Variants in ZMYND11 observed in about 807,000 individuals in gnomAD.
ZMYND11 encodes zinc finger MYND domain-containing protein 11.
A neutral mutation model predicts 84.9 loss-of-function variants in ZMYND11; 9 were observed. The ratio of observed to expected loss-of-function variants is 0.11; its 90% CI spans 0.06 to 0.18. The LOEUF (loss-of-function observed/expected upper bound fraction) is 0.18, where lower values mean the gene tolerates loss of function less well. Ranked by LOEUF, ZMYND11 falls within the 10% of genes least tolerant of loss-of-function variation. ZMYND11 has a pLI of 1.00. For synonymous variants in ZMYND11, 250 were observed against 244.1 expected (o/e 1.02, Z -0.23); for missense variants, 409 against 761.0 (o/e 0.54, Z 5.44).
At chr10:187,361 G>A (rs561234499) in intron 2 of ZMYND11, among the ~76,000 whole-genome samples, 327 of 152,338 alleles carry the variant, frequency 2.1e-3, no homozygotes, top group South Asian at 8.5e-3. Flanking sequence ...ATGGCTGGGC[G>A]CGGTGGCTCA....
At chr10:153,037 C>T (rs1554757586) in intron 1 of ZMYND11, among the ~76,000 whole-genome samples, 6 of 152,140 alleles carry the variant, frequency 3.9e-5, no homozygotes, top group Non-Finnish European at 8.8e-5. Context: ...TTGGTGTAAG[C>T]TGTTTGTATT....
chr10:236,931 G>A lies in ZMYND11; in HGVS notation c.516+16G>A. 6.2e-7 allele frequency: 1 copy of A among 1,601,918 alleles called. No homozygotes were observed. Among genetic ancestry groups the A allele is most frequent in the Non-Finnish European group, 8.5e-7 (1 of 1,174,894 alleles). ...GAAGGAGAGGGTGAGTCCTGCTCAG[G>A]GAATCTTTCAAAATATCCCAAAACA... On this transcript the variant is annotated intron_variant, in intron 5 of 14. Transcript: ENST00000381604.
intron 8 of ZMYND11, among the ~76,000 whole-genome samples, chr10:240,517 A>T (rs762985164): frequency 2.8e-4 from 42 of 152,162 alleles, no homozygotes; most frequent in Admixed American, 5.2e-4. Context: ...CAAAACAAAA[A>T]AAGGTCTTTT....
chr10:171,288 G>A (rs573586314), intron 1 of ZMYND11, among the ~76,000 whole-genome samples: 5 of 152,200 alleles, frequency 3.3e-5, no homozygotes, highest in Middle Eastern at 3.4e-3. Context: ...TGGTAAGGAC[G>A]TAGTTGAACT....
At chr10:230,974 C>T (rs1370050312) in intron 4 of ZMYND11, among the ~76,000 whole-genome samples, 5 of 152,024 alleles carry the variant, frequency 3.3e-5, no homozygotes, top group Non-Finnish European at 5.9e-5. Flanking sequence ...GTGTACTGCC[C>T]GTGAGCTAAG....
At chr10:223,896 A>G (rs1404356604) in intron 4 of ZMYND11, among the ~76,000 whole-genome samples, 1 of 152,160 alleles carries the variant, frequency 6.6e-6, no homozygotes, top group African/African-American at 2.4e-5. Flanking sequence ...CCTAGAGTCT[A>G]TAGACAGAAA....
At chr10:247,531 G>A in intron 12 of ZMYND11, 65 bp downstream of exon 12, 1 of 1,536,464 alleles carries the variant, frequency 6.5e-7, no homozygotes, top group Middle Eastern at 1.7e-4. Context: ...AAAGTATTTT[G>A]TATTTTCAAA....
upstream of ZMYND11, among the ~76,000 whole-genome samples, chr10:132,112 C>T (rs937979365): frequency 3.3e-5 from 5 of 151,990 alleles, no homozygotes; most frequent in Non-Finnish European, 5.9e-5. Context: ...CTAAAGACTA[C>T]GGAAAACTGT....
At chr10:165,321 G>T (rs1051409357) in intron 1 of ZMYND11, among the ~76,000 whole-genome samples, 2 of 151,958 alleles carry the variant, frequency 1.3e-5, no homozygotes, top group Admixed American at 1.3e-4. Flanking sequence ...TCCTAGATTT[G>T]CTCCTAGTTC....
At chr10:156,116 A>G (rs1554758842) in intron 1 of ZMYND11, among the ~76,000 whole-genome samples, 1 of 152,102 alleles carries the variant, frequency 6.6e-6, no homozygotes, top group Admixed American at 6.5e-5. Flanking sequence ...GCCTTGGAGG[A>G]TACTATGGGT....
At chr10:239,301 A>G (rs1950502990) in intron 6 of ZMYND11, 137 bp from the exon 7 acceptor site, 2 of 666,942 alleles carry the variant, frequency 3.0e-6, no homozygotes, top group Non-Finnish European at 5.1e-6. Context: ...TTTTACACAC[A>G]TTCTCTGTCA....
At chr10:198,135 T>G in intron 2 of ZMYND11, 1 of 375,810 alleles carries the variant, frequency 2.7e-6, no homozygotes. Flanking sequence ...TAAAAATATT[T>G]CCTTTTTATA....
intron 11 of ZMYND11, 106 bp from the exon 12 acceptor site, chr10:247,292 G>C: frequency 7.9e-7 from 1 of 1,271,702 alleles, no homozygotes; most frequent in South Asian, 1.3e-5. Context: ...GGATGCAAAA[G>C]GTAGAAATGT....
chr10:207,430 GTTGAA>G (rs1403748475), intron 2 of ZMYND11, among the ~76,000 whole-genome samples: 1 of 152,190 alleles, frequency 6.6e-6, no homozygotes, highest in Non-Finnish European at 1.5e-5. Flanking sequence ...TTCCACAATG[GTTGAA>G]CTAGTTTACA....
intron 5 of ZMYND11, 44 bp from the exon 6 acceptor site, chr10:237,541 C>T: frequency 8.0e-7 from 1 of 1,247,692 alleles, no homozygotes; most frequent in Non-Finnish European, 1.1e-6. Flanking sequence ...TCTTACCTGC[C>T]TTCCTTTAAC....
intron 2 of ZMYND11, among the ~76,000 whole-genome samples, chr10:195,094 A>G (rs1564359634): frequency 6.6e-6 from 1 of 152,200 alleles, no homozygotes; most frequent in Non-Finnish European, 1.5e-5. Flanking sequence ...AGACTCACAA[A>G]CTGACTTCTG....
chr10:152,609 A>G lies in ZMYND11; in HGVS notation c.-20+17050A>G, dbSNP rs1331277310. 2.6e-5 allele frequency among the ~76,000 whole-genome samples: 4 copies of G among 152,190 alleles called. No homozygotes were observed. In the East Asian group the frequency reaches 7.7e-4, roughly 29 times the overall value. Reference sequence around the variant, plus strand: ...AAGGCTTACACTCCCGCACAATAATAATGGGAGACTTTAACACCCCAGTGT... The same window carrying G: ...AAGGCTTACACTCCCGCACAATAATGATGGGAGACTTTAACACCCCAGTGT... On this transcript the variant is annotated intron_variant, in intron 1 of 14. Coordinates refer to ENST00000381604, the MANE Select transcript of ZMYND11 (RefSeq NM_001370100.5).
intron 1 of ZMYND11, among the ~76,000 whole-genome samples, chr10:169,427 A>G (rs1844761993): frequency 6.6e-6 from 1 of 152,194 alleles, no homozygotes; most frequent in East Asian, 1.9e-4. Flanking sequence ...GCAAAAAACA[A>G]CAGTGTGAAG....
At chr10:241,069 A>G in intron 9 of ZMYND11, 99 bp downstream of exon 9, 1 of 863,056 alleles carries the variant, frequency 1.2e-6, no homozygotes, top group Non-Finnish European at 1.8e-6. Flanking sequence ...AATTTTTAAA[A>G]TATCATAGTA....
Sources: gnomAD v4.1 joint callset for allele counts (sites outside exome capture counted in the v4.1 genomes callset) on GRCh38, gnomAD v4.1.1 for gene constraint, MANE v1.5 for transcripts, NCBI Gene and HGNC (gene_info 2026-07-23, HGNC 2026-07-21) for gene names.